Variants in HIVEP1 observed in about 807,000 individuals in gnomAD.
The protein encoded by HIVEP1 is zinc finger protein 40.
Under a neutral mutation model 180.0 loss-of-function variants are expected in HIVEP1, and 36 were observed. The ratio of observed to expected loss-of-function variants is 0.20; its 90% CI spans 0.15 to 0.26. HIVEP1 has a LOEUF of 0.26. Among genes scored for constraint, HIVEP1 ranks in the 10% least tolerant of loss-of-function variants. The probability of loss-of-function intolerance (pLI) is 1.00; values close to 1 mark genes in which losing one functional copy is unlikely to be tolerated. For missense variants in HIVEP1, 3,143 were observed against 3,268.7 expected (o/e 0.96, Z 0.94); for synonymous variants, 1,239 against 1,239.0 (o/e 1.00, Z 0.00).
chr6:12,049,905 C>T (rs1279266129), intron 2 of HIVEP1, among the ~76,000 whole-genome samples: 1 of 152,028 alleles, frequency 6.6e-6, no homozygotes, highest in Non-Finnish European at 1.5e-5. Context: ...TGGTTTGTAA[C>T]ATTAAAATGA....
intron 7 of HIVEP1, among the ~76,000 whole-genome samples, chr6:12,147,538 T>G (rs1481497501): frequency 1.3e-5 from 2 of 150,958 alleles, no homozygotes; most frequent in African/African-American, 4.9e-5. Flanking sequence ...TTGTTTGTTT[T>G]TTGCTGTTGC....
chr6:12,058,773 C>A (rs1432131220), intron 2 of HIVEP1, among the ~76,000 whole-genome samples: 3 of 152,130 alleles, frequency 2.0e-5, no homozygotes, highest in African/African-American at 7.2e-5. Flanking sequence ...TCTCTTGATA[C>A]AAGTCACGTG....
the HIVEP1 span, among the ~76,000 whole-genome samples, chr6:12,183,989 A>ATAGG: frequency 2.4e-4 from 32 of 132,818 alleles, no homozygotes; most frequent in African/African-American, 1.1e-3. Flanking sequence ...AGATAGATAG[A>ATAGG]TAGATAGATA....
At chr6:12,061,604 A>G (rs1581605013) in intron 2 of HIVEP1, among the ~76,000 whole-genome samples, 1 of 152,044 alleles carries the variant, frequency 6.6e-6, no homozygotes, top group East Asian at 1.9e-4. Context: ...ATGAATTTTG[A>G]GAATTTTGAT....
chr6:12,057,652 A>G (rs941979314), intron 2 of HIVEP1, among the ~76,000 whole-genome samples: 17 of 152,220 alleles, frequency 1.1e-4, no homozygotes, highest in Non-Finnish European at 2.4e-4. Flanking sequence ...ATCAGTTGGT[A>G]TCTCCTAACT....
intron 3 of HIVEP1, among the ~76,000 whole-genome samples, chr6:12,111,881 T>G (rs924517967): frequency 2.0e-5 from 3 of 152,246 alleles, no homozygotes; most frequent in African/African-American, 7.2e-5. Context: ...GAGGTTGGGG[T>G]GTGGCCATTT....
At chr6:12,086,114 A>T (rs147046738) in intron 2 of HIVEP1, among the ~76,000 whole-genome samples, 181 of 152,258 alleles carry the variant, frequency 1.2e-3, no homozygotes, top group African/African-American at 4.1e-3. Flanking sequence ...TAATAGTTGT[A>T]GGACAAAAAT....
chr6:12,077,261 C>G (rs1185101324), intron 2 of HIVEP1, among the ~76,000 whole-genome samples: 1 of 152,140 alleles, frequency 6.6e-6, no homozygotes, highest in Non-Finnish European at 1.5e-5. Flanking sequence ...TTCAGCATAG[C>G]CTGCAAAAGG....
In HIVEP1 at chr6:12,161,767, C is replaced by G. The variant is rs773036636; in HGVS notation, c.6816C>G (p.Leu2272=). 1.9e-6 allele frequency: 3 copies of G among 1,614,194 alleles called. No homozygotes were observed. The highest frequency in any genetic ancestry group is 1.6e-4 in the Middle Eastern group (1 of 6,062). The change falls in exon 8 of 9, where the codon CTC becomes CTG. Residue 2272 remains leucine (L), a synonymous_variant. Coordinates refer to ENST00000379388, the MANE Select transcript of HIVEP1 (RefSeq NM_002114.4). ...AGTCTGACTACAATAGGAAGACACT[C>G]TCTCCGGGGAAGGCCAGGCAGCGTG... is the stretch of plus-strand genomic sequence containing the variant. ...TAQSDYNRKT[L]SPGKARQRAA...
At chr6:12,150,876 A>G (rs1319539833) in intron 7 of HIVEP1, among the ~76,000 whole-genome samples, 1 of 152,150 alleles carries the variant, frequency 6.6e-6, no homozygotes, top group Non-Finnish European at 1.5e-5. Context: ...AATATTTCTA[A>G]ACATATGTGA....
At chr6:12,036,102 T>C (rs114276397) in intron 2 of HIVEP1, among the ~76,000 whole-genome samples, 217 of 152,360 alleles carry the variant, frequency 1.4e-3, no homozygotes, top group African/African-American at 5.0e-3. Flanking sequence ...GTGGAACAAG[T>C]ATACTCATTT....
intron 3 of HIVEP1, among the ~76,000 whole-genome samples, chr6:12,114,105 G>A (rs930410999): frequency 2.0e-5 from 3 of 151,966 alleles, no homozygotes; most frequent in Non-Finnish European, 4.4e-5. Flanking sequence ...TGACTCTGAC[G>A]TCTTGTCTTT....
rs747111966 is a variant in HIVEP1 at position 12,119,860 on chromosome 6, A to G, written c.95-30A>G. 114 of 1,414,248 alleles carry G rather than the reference A, an allele frequency of 8.1e-5. 1 individual carries two copies. The South Asian group carries it at 1.0e-3, about 13-fold the overall frequency. 87.6% of individuals were successfully genotyped at this position (1,414,248 alleles called of 1,614,324 possible). On this transcript the variant is annotated intron_variant, in intron 3 of 8. Coordinates refer to ENST00000379388, the MANE Select transcript of HIVEP1 (RefSeq NM_002114.4). ...AGTTGGTGTATGTACAATGTTACCAATTGTTTGTTGTTGTTGTTGTTTTTT... is the reference window on the plus strand; with the variant it reads ...AGTTGGTGTATGTACAATGTTACCAGTTGTTTGTTGTTGTTGTTGTTTTTT...
intron 8 of HIVEP1, among the ~76,000 whole-genome samples, chr6:12,162,363 C>T (rs868640612): frequency 6.6e-6 from 1 of 152,292 alleles, no homozygotes; most frequent in African/African-American, 2.4e-5. Context: ...GCACTTTGCC[C>T]CCATTGGCAA....
At chr6:12,076,662 C>T (rs1772371243) in intron 2 of HIVEP1, among the ~76,000 whole-genome samples, 1 of 152,110 alleles carries the variant, frequency 6.6e-6, no homozygotes, top group South Asian at 2.1e-4. Context: ...CAGCATAGGT[C>T]CATCATGAGG....
chr6:12,093,624 A>T (rs1260227133), intron 3 of HIVEP1, among the ~76,000 whole-genome samples: 2 of 151,780 alleles, frequency 1.3e-5, no homozygotes, highest in Non-Finnish European at 2.9e-5. Flanking sequence ...ACCATTGCTA[A>T]TATTGTTAAA....
chr6:12,181,928 T>C, the HIVEP1 span, among the ~76,000 whole-genome samples: 1 of 152,208 alleles, frequency 6.6e-6, no homozygotes, highest in Non-Finnish European at 1.5e-5. Context: ...GAGGCTATTT[T>C]CTTTGCCAAA....
chr6:12,082,500 C>T (rs891897361), intron 2 of HIVEP1, among the ~76,000 whole-genome samples: 4 of 152,126 alleles, frequency 2.6e-5, no homozygotes, highest in South Asian at 2.1e-4. Flanking sequence ...TCTTGATACC[C>T]GCGGTCAAAT....
At chr6:12,040,245 CTT>C (rs1182176988) in intron 2 of HIVEP1, among the ~76,000 whole-genome samples, 1 of 152,114 alleles carries the variant, frequency 6.6e-6, no homozygotes, top group Non-Finnish European at 1.5e-5. Context: ...GTGTTCGAAT[CTT>C]TGCTTTTCCA....
Sources: gnomAD v4.1 joint callset for allele counts (sites outside exome capture counted in the v4.1 genomes callset) on GRCh38, gnomAD v4.1.1 for gene constraint, MANE v1.5 for transcripts, NCBI Gene and HGNC (gene_info 2026-07-23, HGNC 2026-07-21) for gene names.